ANKRD27: variants seen among roughly 807,000 people sequenced by gnomAD.
ANKRD27 encodes ankyrin repeat domain-containing protein 27.
In ANKRD27, 112 loss-of-function variants were observed where a neutral mutation model predicts 129.7. The observed-to-expected ratio is 0.86, with a 90% CI of 0.74 to 1.01. The LOEUF is 1.01. Ranked by LOEUF, ANKRD27 falls within the 50% of genes least tolerant of loss-of-function variation. The pLI is 0.00. For missense variants in ANKRD27, 1,258 were observed against 1,300.5 expected (o/e 0.97, Z 0.50); for synonymous variants, 516 against 511.2 (o/e 1.01, Z -0.13).
intron 21 of ANKRD27, among the ~76,000 whole-genome samples, chr19:32,616,182 G>T (rs1378545736): frequency 6.6e-6 from 1 of 152,030 alleles, no homozygotes; most frequent in Non-Finnish European, 1.5e-5. Context: ...CTGGGCAACA[G>T]AGCAAAACTC....
chr19:32,636,731 A>C (rs534677685), intron 12 of ANKRD27, among the ~76,000 whole-genome samples: 4,472 of 144,562 alleles, frequency 0.031, 229 homozygotes, highest in African/African-American at 0.11. Flanking sequence ...CTCTATATAT[A>C]TATATATATT....
intron 9 of ANKRD27, 86 bp downstream of exon 9, chr19:32,643,037 C>T: frequency 7.5e-7 from 1 of 1,341,212 alleles, no homozygotes; most frequent in Non-Finnish European, 1.1e-6. Context: ...CAGCGTGTCA[C>T]CTCTGCCACC....
intron 2 of ANKRD27, among the ~76,000 whole-genome samples, chr19:32,656,059 A>AAAAGAAAGAAAGAAAAGAAAGAAAG (rs1967514837): frequency 1.5e-5 from 1 of 65,882 alleles, no homozygotes; most frequent in African/African-American, 5.4e-5. Flanking sequence ...GAAAAGAAAG[A>AAAAGAAAGAAAGAAAAGAAAGAAAG]AAAGAAAGAA....
At chr19:32,608,170 A>ATTTTT (rs3042665) in intron 22 of ANKRD27, among the ~76,000 whole-genome samples, 1 of 140,224 alleles carries the variant, frequency 7.1e-6, no homozygotes, top group African/African-American at 2.8e-5. Flanking sequence ...TGCCCAGCTA[A>ATTTTT]TTTTTTTTTT....
chr19:32,639,552 A>G, intron 11 of ANKRD27, 64 bp from the exon 12 acceptor site: 1 of 1,554,496 alleles, frequency 6.4e-7, no homozygotes. Flanking sequence ...CAAAAAAAAT[A>G]TCATTGGCTT....
At position 32,598,055 on chromosome 19, in the gene ANKRD27, G is replaced by GC; in HGVS notation, c.*89dup. On this transcript the variant is annotated 3_prime_UTR_variant, in exon 29 of 29. Coordinates refer to ENST00000306065, the MANE Select transcript of ANKRD27 (RefSeq NM_032139.3). ...GACTTCTCAAGCCAGTCTCATGGAA[G>GC]CACATTTAGTTCTCAGATGTGTTCA... 1 of 1,203,872 alleles carries GC rather than the reference G, an allele frequency of 8.3e-7. No individual in the cohort carries two copies. Among genetic ancestry groups the GC allele is most frequent in the Non-Finnish European group, 1.2e-6 (1 of 824,638 alleles). 74.6% of individuals were successfully genotyped at this position (1,203,872 alleles called of 1,614,324 possible).
chr19:32,672,518 A>T (rs547818840), intron 1 of ANKRD27, among the ~76,000 whole-genome samples: 1 of 152,302 alleles, frequency 6.6e-6, no homozygotes, highest in East Asian at 1.9e-4. Flanking sequence ...CAAGAGCTGG[A>T]ACTCCACTGT....
At chr19:32,673,838 G>C (rs1442697765) in intron 1 of ANKRD27, among the ~76,000 whole-genome samples, 1 of 152,096 alleles carries the variant, frequency 6.6e-6, no homozygotes, top group Admixed American at 6.6e-5. Context: ...ATGCCAGGCT[G>C]ATCTCGAAAC....
chr19:32,600,850 C>A (rs1971641282), intron 26 of ANKRD27, among the ~76,000 whole-genome samples: 1 of 151,972 alleles, frequency 6.6e-6, no homozygotes, highest in South Asian at 2.1e-4. Context: ...TATTGCATAC[C>A]TCACTGGATA....
chr19:32,657,082 C>T (rs1299782699), intron 2 of ANKRD27, among the ~76,000 whole-genome samples: 1 of 152,102 alleles, frequency 6.6e-6, no homozygotes, highest in Non-Finnish European at 1.5e-5. Flanking sequence ...CCCAGCTTCT[C>T]TTTGGGAGAT....
At position 32,619,255 on chromosome 19, in the gene ANKRD27, C is replaced by T; in HGVS notation, c.2007+5G>A. The T allele has an allele frequency of 6.2e-7, 1 of 1,610,506 alleles. No individual in the cohort carries two copies. The highest frequency in any genetic ancestry group is 1.1e-5 in the South Asian group (1 of 90,786). On this transcript the variant is annotated splice_donor_5th_base_variant and intron_variant, in intron 20 of 28. Transcript: ENST00000306065. ...CCTCCCCAGCCCTTCCTCTGGAAGC[C>T]TCACCTCTCTGTAGTCCTTCTTGGT...
At chr19:32,611,810 A>C (rs1486902397) in intron 22 of ANKRD27, among the ~76,000 whole-genome samples, 1 of 152,022 alleles carries the variant, frequency 6.6e-6, no homozygotes, top group Non-Finnish European at 1.5e-5. Context: ...CGAATTCCTG[A>C]CCTCAGGTGA....
At chr19:32,628,041 T>A in intron 15 of ANKRD27, 42 bp downstream of exon 15, 1 of 1,588,874 alleles carries the variant, frequency 6.3e-7, no homozygotes, top group East Asian at 2.2e-5. Context: ...GCACCATCCC[T>A]TTGCTGTGAC....
chr19:32,664,617 A>AAATAAT (rs3042684), intron 1 of ANKRD27, among the ~76,000 whole-genome samples: 34,250 of 127,956 alleles, frequency 0.27, 5,166 homozygotes, highest in Non-Finnish European at 0.34. Flanking sequence ...CTCCATCCCC[A>AAATAAT]AATAATAATA....
chr19:32,604,606 C>T (rs1322901663), intron 24 of ANKRD27, among the ~76,000 whole-genome samples, 182 bp from the exon 25 acceptor site: 1 of 152,144 alleles, frequency 6.6e-6, no homozygotes, highest in African/African-American at 2.4e-5. Context: ...GAGTTCGCTG[C>T]AGCATTTATC....
At chr19:32,614,051 T>C (rs1369594923) in intron 22 of ANKRD27, among the ~76,000 whole-genome samples, 1 of 152,090 alleles carries the variant, frequency 6.6e-6, no homozygotes, top group African/African-American at 2.4e-5. Context: ...AGGTAAGTGG[T>C]TGCCAGCGGT....
chr19:32,636,045 G>C (rs1457411096), intron 12 of ANKRD27: 1 of 152,710 alleles, frequency 6.5e-6, no homozygotes, highest in Non-Finnish European at 1.5e-5. Flanking sequence ...GGCTGAGGAA[G>C]ACATTGCACT....
intron 20 of ANKRD27, among the ~76,000 whole-genome samples, chr19:32,618,530 C>A (rs1043171796): frequency 6.6e-6 from 1 of 151,958 alleles, no homozygotes; most frequent in South Asian, 2.1e-4. Flanking sequence ...GGGTGGACAC[C>A]CCTCCCAGGG....
At chr19:32,664,924 A>AT (rs1306548266) in intron 1 of ANKRD27, among the ~76,000 whole-genome samples, 3 of 140,826 alleles carry the variant, frequency 2.1e-5, no homozygotes, top group Non-Finnish European at 1.5e-5. Flanking sequence ...TGTCTCAAAA[A>AT]AAAAAAAAAA....
Sources: gnomAD v4.1 joint callset for allele counts (sites outside exome capture counted in the v4.1 genomes callset) on GRCh38, gnomAD v4.1.1 for gene constraint, MANE v1.5 for transcripts, NCBI Gene and HGNC (gene_info 2026-07-23, HGNC 2026-07-21) for gene names.